CTNNA1: variants seen among roughly 807,000 people sequenced by gnomAD.
CTNNA1 encodes catenin alpha-1.
In CTNNA1, 37 loss-of-function variants were observed where a neutral mutation model predicts 98.4. That is an observed-to-expected ratio of 0.38 (90% CI 0.29 to 0.49). The LOEUF is 0.49. Among genes scored for constraint, CTNNA1 ranks in the 20% least tolerant of loss-of-function variants. The pLI is 0.95. For missense variants in CTNNA1, 761 were observed against 1,147.2 expected, an observed-to-expected ratio of 0.66 and a Z score of 4.86; for synonymous variants, 404 against 413.2, an observed-to-expected ratio of 0.98 and a Z score of 0.27.
At chr5:138,790,672 T>C (rs550840781) in intron 3 of CTNNA1, among the ~76,000 whole-genome samples, 2 of 152,334 alleles carry the variant, frequency 1.3e-5, no homozygotes, top group African/African-American at 2.4e-5. Context: ...TCTAATGGCA[T>C]AGCAGAGGTT....
chr5:138,922,508 T>A (rs899741054), intron 11 of CTNNA1, among the ~76,000 whole-genome samples: 2 of 152,256 alleles, frequency 1.3e-5, no homozygotes, highest in Non-Finnish European at 2.9e-5. Context: ...TGGACTGTTA[T>A]ATGTATGTGT....
At chr5:138,830,520 G>GGAGTGAGGATAAACGGT (rs1761176992) in intron 7 of CTNNA1, among the ~76,000 whole-genome samples, 1 of 152,232 alleles carries the variant, frequency 6.6e-6, no homozygotes, top group African/African-American at 2.4e-5. Context: ...AAAAAGCACT[G>GGAGTGAGGATAAACGGT]GAGTGAGGAT....
intron 8 of CTNNA1, among the ~76,000 whole-genome samples, chr5:138,887,196 ATTT>A (rs1754264398): frequency 6.6e-6 from 1 of 152,074 alleles, no homozygotes; most frequent in South Asian, 2.1e-4. Context: ...CTTTTGTATT[ATTT>A]AAGTTGTAAG....
chr5:138,883,367 C>T (rs553493227), intron 7 of CTNNA1, among the ~76,000 whole-genome samples: 1 of 152,156 alleles, frequency 6.6e-6, no homozygotes, highest in South Asian at 2.1e-4. Flanking sequence ...TAGTAAATAA[C>T]TGCTCCTAAA....
intron 4 of CTNNA1, among the ~76,000 whole-genome samples, chr5:138,811,509 A>G (rs1329126564): frequency 7.3e-6 from 1 of 137,844 alleles, no homozygotes; most frequent in Non-Finnish European, 1.6e-5. Context: ...CACTTCCCAG[A>G]CAGGGTGGCG....
At chr5:138,863,993 T>C (rs1342370875) in intron 7 of CTNNA1, among the ~76,000 whole-genome samples, 2 of 152,226 alleles carry the variant, frequency 1.3e-5, no homozygotes, top group Non-Finnish European at 2.9e-5. Flanking sequence ...GATGGGATCT[T>C]GCTCTGTTAT....
chr5:138,881,914 C>G (rs1020011801), intron 7 of CTNNA1, among the ~76,000 whole-genome samples: 1 of 152,176 alleles, frequency 6.6e-6, no homozygotes, highest in African/African-American at 2.4e-5. Context: ...CCTCTACCCA[C>G]CTCAGGCTTA....
rs1032908068 is a variant in CTNNA1, at chr5:138,845,916, TTTTTTGTTTTTTTG to T, written c.1062+18204_1062+18217del. On this transcript the variant is annotated intron_variant, in intron 7 of 17. Coordinates refer to ENST00000302763, the MANE Select transcript of CTNNA1 (RefSeq NM_001903.5). ...GAATGATAGCTAAAGGGTACAGGTT[TTTTTTGTTTTTTTG>T]TTTTTTGTTTTTTTGAGACAGATTC... Among the ~76,000 whole-genome samples the T allele has an allele frequency of 1.4e-3, 28 of 20,590 alleles. No homozygotes were observed. The East Asian group carries it at 0.088, about 65-fold the overall frequency. 13.5% of individuals were successfully genotyped at this position (20,590 alleles called of 152,430 possible). A position where few individuals can be genotyped will look rare whatever the true frequency, so the allele number is the denominator to read the frequency against.
intron 9 of CTNNA1, among the ~76,000 whole-genome samples, chr5:138,901,170 T>A: frequency 6.6e-6 from 1 of 152,260 alleles, no homozygotes; most frequent in South Asian, 2.1e-4. Flanking sequence ...TTCTCTTTTC[T>A]CTTTTTTGAG....
intron 11 of CTNNA1, among the ~76,000 whole-genome samples, chr5:138,924,061 G>A (rs1270789839): frequency 6.6e-6 from 1 of 152,232 alleles, no homozygotes; most frequent in African/African-American, 2.4e-5. Context: ...TTGGTAGATT[G>A]TCTGAATATC....
rs746478233 is a variant in CTNNA1 at position 138,932,703 on chromosome 5, T to C, written c.2424T>C (p.Val808=). 51 of 1,613,974 alleles carry C rather than the reference T, an allele frequency of 3.2e-5. 1 individual carries two copies. The Middle Eastern group carries it at 4.9e-4, about 16-fold the overall frequency. ...TGCAGAATCTCGGCGGGGAGCTTGTTGTCTCTGGGGTAAGCATTAGCTGAA... is the reference window on the plus strand; with the variant it reads ...TGCAGAATCTCGGCGGGGAGCTTGTCGTCTCTGGGGTAAGCATTAGCTGAA... ...AEVQNLGGEL[V]VSGVDSAMSL... The change falls in exon 17 of 18, where the codon GTT becomes GTC. Residue 808 remains valine (V), a synonymous_variant. Coordinates refer to ENST00000302763, the MANE Select transcript of CTNNA1 (RefSeq NM_001903.5).
intron 9 of CTNNA1, among the ~76,000 whole-genome samples, chr5:138,892,339 T>G (rs1561667974): frequency 3.9e-5 from 3 of 77,558 alleles, no homozygotes; most frequent in Non-Finnish European, 6.5e-5. Context: ...TTTTTTTTTT[T>G]TTTTTTTTTT....
At chr5:138,758,434 G>C (rs1207044922) in intron 1 of CTNNA1, among the ~76,000 whole-genome samples, 1 of 151,858 alleles carries the variant, frequency 6.6e-6, no homozygotes, top group Non-Finnish European at 1.5e-5. Flanking sequence ...CTGGAGTGCA[G>C]TGGCACGATC....
At chr5:138,801,088 A>C (rs1434759609) in intron 3 of CTNNA1, among the ~76,000 whole-genome samples, 1 of 152,192 alleles carries the variant, frequency 6.6e-6, no homozygotes, top group Non-Finnish European at 1.5e-5. Flanking sequence ...TCAGGTGGAG[A>C]TGATTAGCAT....
intron 1 of CTNNA1, among the ~76,000 whole-genome samples, chr5:138,762,726 C>G (rs545699970): frequency 6.6e-6 from 1 of 151,572 alleles, no homozygotes; most frequent in Non-Finnish European, 1.5e-5. Context: ...GTTCTAAATA[C>G]TTGTAACATT....
At chr5:138,930,068 A>C (rs1222750316) in intron 14 of CTNNA1, among the ~76,000 whole-genome samples, 2 of 152,164 alleles carry the variant, frequency 1.3e-5, no homozygotes, top group Non-Finnish European at 2.9e-5. Flanking sequence ...GTACATTCTA[A>C]AGCCACTTTC....
Position 138,934,153 on chromosome 5 carries a change from CAA to C in CTNNA1, c.*66_*67del. 7.7e-7 allele frequency: 1 copy of C among 1,291,966 alleles called. No homozygotes were observed. Among genetic ancestry groups the C allele is most frequent in the Admixed American group, 1.9e-5 (1 of 53,284 alleles). The allele number at this position is 1,291,966 out of a possible 1,614,324, so 80.0% of individuals were successfully genotyped here. ...TGAATATCAGTCACTGTTCGTCACTCAAATGAATTTGCTAAATACAACACTGA... is the reference window on the plus strand; with the variant it reads ...TGAATATCAGTCACTGTTCGTCACTCATGAATTTGCTAAATACAACACTGA... On this transcript the variant is annotated 3_prime_UTR_variant, in exon 18 of 18. Transcript: ENST00000302763.
At chr5:138,812,145 C>G in intron 4 of CTNNA1, 38 bp from the exon 5 acceptor site, 1 of 1,593,030 alleles carries the variant, frequency 6.3e-7, no homozygotes, top group Non-Finnish European at 8.6e-7. Context: ...GACCTACATT[C>G]AGAATTTTTG....
At chr5:138,926,301 A>C (rs10155636) in intron 13 of CTNNA1, among the ~76,000 whole-genome samples, 1 of 151,988 alleles carries the variant, frequency 6.6e-6, no homozygotes, top group Non-Finnish European at 1.5e-5. Flanking sequence ...CCATAGTTGA[A>C]TATACTCACT....
Sources: allele counts gnomAD v4.1 joint callset (sites outside exome capture counted in the v4.1 genomes callset), GRCh38; gene constraint gnomAD v4.1.1; transcripts MANE v1.5; gene names NCBI Gene and HGNC (gene_info 2026-07-23, HGNC 2026-07-21).